Variants in MED12L observed in about 807,000 individuals in gnomAD.
The protein encoded by MED12L is mediator complex subunit 12L, also known as mediator of RNA polymerase II transcription subunit 12-like protein.
A neutral mutation model predicts 281.3 loss-of-function variants in MED12L; 60 were observed. The ratio of observed to expected loss-of-function variants is 0.21; its 90% CI spans 0.17 to 0.26. The LOEUF is 0.26. Ranked by LOEUF, MED12L falls within the 10% of genes least tolerant of loss-of-function variation. The pLI is 1.00. For missense variants in MED12L, 2,146 were observed against 2,680.9 expected, an observed-to-expected ratio of 0.80 and a Z score of 4.41; for synonymous variants, 974 against 987.2, an observed-to-expected ratio of 0.99 and a Z score of 0.25.
chr3:151,201,418 C>T (rs546937705), intron 16 of MED12L, among the ~76,000 whole-genome samples: 2 of 152,246 alleles, frequency 1.3e-5, no homozygotes, highest in South Asian at 4.1e-4. Context: ...TGCCTTTATA[C>T]TTTTGCATGT....
At chr3:151,192,407 G>A in intron 14 of MED12L, 143 bp from the exon 15 acceptor site, 1 of 645,424 alleles carries the variant, frequency 1.5e-6, no homozygotes, top group South Asian at 1.9e-5. Flanking sequence ...ATGCCTTAAA[G>A]CTTCCTTCAA....
rs370946666 is a variant in MED12L at position 151,357,399 on chromosome 3, T to A, written c.2825+23T>A. 1.2e-5 allele frequency: 18 copies of A among 1,541,694 alleles called. No individual in the cohort carries two copies. The African/African-American group carries it at 2.3e-4, about 20-fold the overall frequency. ...AGGGTTGGTATATAGCATGTCATTG[T>A]TGTTTTTCCAATCTCAGAATGTATA... On this transcript the variant is annotated intron_variant, in intron 20 of 44. Transcript: ENST00000687756.
intron 5 of MED12L, among the ~76,000 whole-genome samples, chr3:151,141,174 T>TTTTTG (rs1560087710): frequency 2.4e-5 from 3 of 122,696 alleles, no homozygotes; most frequent in African/African-American, 1.2e-4. Context: ...GCGTTTTTTT[T>TTTTTG]TTTGTTTTTT....
intron 5 of MED12L, among the ~76,000 whole-genome samples, chr3:151,130,508 C>T (rs1715221692): frequency 6.6e-6 from 1 of 152,152 alleles, no homozygotes; most frequent in African/African-American, 2.4e-5. Flanking sequence ...GTCAGCTTTC[C>T]ACTTTGTAGC....
intron 8 of MED12L, 29 bp from the exon 9 acceptor site, chr3:151,163,864 A>T: frequency 6.2e-7 from 1 of 1,601,198 alleles, no homozygotes. Context: ...CTTCCTCTGA[A>T]CATCCAACTT....
At chr3:151,193,252 C>T (rs1018268007) in intron 15 of MED12L, among the ~76,000 whole-genome samples, 4 of 152,106 alleles carry the variant, frequency 2.6e-5, no homozygotes, top group African/African-American at 7.2e-5. Context: ...AGACACATTT[C>T]TTATGTGTGT....
intron 16 of MED12L, chr3:151,199,469 G>A: frequency 4.1e-6 from 5 of 1,212,206 alleles, no homozygotes; most frequent in Non-Finnish European, 5.8e-6. Flanking sequence ...AGGGAGGTTA[G>A]TAATTAAAAT....
At chr3:151,376,428 A>C (rs1756863971) in intron 28 of MED12L, among the ~76,000 whole-genome samples, 1 of 152,180 alleles carries the variant, frequency 6.6e-6, no homozygotes, top group South Asian at 2.1e-4. Flanking sequence ...TGATATTTTA[A>C]ATCAGTATTG....
At chr3:151,170,360 C>T (rs1721276159) in intron 11 of MED12L, among the ~76,000 whole-genome samples, 1 of 150,568 alleles carries the variant, frequency 6.6e-6, no homozygotes, top group Non-Finnish European at 1.5e-5. Context: ...ACTGTAACCT[C>T]TGCCTCCTGA....
intron 4 of MED12L, among the ~76,000 whole-genome samples, chr3:151,124,122 A>G (rs568749937): frequency 2.6e-5 from 4 of 152,316 alleles, no homozygotes; most frequent in African/African-American, 9.6e-5. Context: ...ATGGCTGTTG[A>G]CTAACAGTTC....
chr3:151,213,626 A>G, intron 16 of MED12L: 1 of 1,614,176 alleles, frequency 6.2e-7, no homozygotes, highest in Non-Finnish European at 8.5e-7. Flanking sequence ...TTGCGGCTAG[A>G]TTTCTTTTTG....
chr3:151,309,378 T>C (rs1441135748), intron 16 of MED12L, among the ~76,000 whole-genome samples: 1 of 152,184 alleles, frequency 6.6e-6, no homozygotes, highest in Non-Finnish European at 1.5e-5. Flanking sequence ...GCTATTCACA[T>C]TTCTTTTCTT....
At chr3:151,388,207 T>C in intron 37 of MED12L, 35 bp downstream of exon 37, 1 of 1,550,876 alleles carries the variant, frequency 6.4e-7, no homozygotes, top group Non-Finnish European at 8.6e-7. Flanking sequence ...CTTGGCTCAT[T>C]AGCATTTAGT....
intron 17 of MED12L, among the ~76,000 whole-genome samples, chr3:151,352,247 A>C (rs1753323181): frequency 6.6e-6 from 1 of 152,160 alleles, no homozygotes; most frequent in Non-Finnish European, 1.5e-5. Flanking sequence ...TCTACTTGTG[A>C]CATTATGTCT....
chr3:151,239,312 A>G (rs1224233195), intron 16 of MED12L, among the ~76,000 whole-genome samples: 2 of 152,256 alleles, frequency 1.3e-5, no homozygotes, highest in African/African-American at 4.8e-5. Flanking sequence ...CAATATTGCA[A>G]TCATGCTTTA....
intron 16 of MED12L, chr3:151,213,998 C>T (rs777331242): frequency 6.2e-6 from 10 of 1,613,916 alleles, no homozygotes; most frequent in African/African-American, 2.7e-5. Flanking sequence ...ACAATGCTGA[C>T]GTACATGTTG....
chr3:151,205,555 A>G (rs1726228044), intron 16 of MED12L, among the ~76,000 whole-genome samples: 1 of 152,154 alleles, frequency 6.6e-6, no homozygotes, highest in Admixed American at 6.5e-5. Context: ...GCCATTTGGA[A>G]CTAATGAGGA....
At chr3:151,158,900 G>C in intron 7 of MED12L, 101 bp downstream of exon 7, 1 of 765,708 alleles carries the variant, frequency 1.3e-6, no homozygotes, top group East Asian at 2.6e-5. Flanking sequence ...AAAATATCCT[G>C]TTGAAATGGA....
intron 16 of MED12L, among the ~76,000 whole-genome samples, chr3:151,234,896 T>C (rs1732420584): frequency 6.6e-6 from 1 of 152,204 alleles, no homozygotes; most frequent in Non-Finnish European, 1.5e-5. Flanking sequence ...GTGACTCTTT[T>C]ACCTATAATA....
Sources: gnomAD v4.1 joint callset for allele counts (sites outside exome capture counted in the v4.1 genomes callset) on GRCh38, gnomAD v4.1.1 for gene constraint, MANE v1.5 for transcripts, NCBI Gene and HGNC (gene_info 2026-07-23, HGNC 2026-07-21) for gene names.